Variants in GKN2 observed in about 807,000 individuals in gnomAD.
GKN2 encodes the protein gastrokine-2.
GKN2 carries 17 observed loss-of-function variants against 22.7 expected under a neutral mutation model. The ratio of observed to expected loss-of-function variants is 0.75; its 90% CI spans 0.51 to 1.13. The LOEUF (loss-of-function observed/expected upper bound fraction) is 1.13. Among genes scored for constraint, GKN2 ranks in the 50% most tolerant of loss-of-function variants. The pLI, the probability that GKN2 is intolerant of heterozygous loss-of-function variation, is 0.00. For missense variants in GKN2, 248 were observed against 221.4 expected (o/e 1.12, Z -0.76); for synonymous variants, 82 against 79.6 (o/e 1.03, Z -0.16).
chr2:68,951,929 AG>A (rs1185046003), intron 1 of GKN2, among the ~76,000 whole-genome samples: 3 of 152,260 alleles, frequency 2.0e-5, no homozygotes, highest in African/African-American at 7.2e-5. Flanking sequence ...CTTCAGGGTT[AG>A]GTCTCAATTT....
In GKN2 at chr2:68,946,474, A is replaced by G; in HGVS notation, c.316-14T>C. 1 of 1,559,636 alleles carries G rather than the reference A, an allele frequency of 6.4e-7. No individual in the cohort carries two copies. The highest frequency in any genetic ancestry group is 8.6e-7 in the Non-Finnish European group (1 of 1,156,950). ...GTTGTCCAGAGCCTAGATCGGTATA[A>G]CAGAAAAGAACAACATAAAATAAAT... On this transcript the variant is annotated splice_polypyrimidine_tract_variant and intron_variant, in intron 4 of 5. Transcript: ENST00000328895.
At chr2:68,949,929 T>C (rs1274610085) in intron 3 of GKN2, among the ~76,000 whole-genome samples, 197 bp downstream of exon 3, 1 of 152,240 alleles carries the variant, frequency 6.6e-6, no homozygotes, top group African/African-American at 2.4e-5. Context: ...TTTCCTGTCA[T>C]ATGTTTTTCT....
At position 68,946,420 on chromosome 2, in the gene GKN2, T is replaced by C. The variant is rs748987138; in HGVS notation, c.356A>G (p.Lys119Arg). Residue 119 changes from lysine (K) to arginine (R), a missense_variant, in exon 5 of 6, where the codon AAG becomes AGG. Coordinates refer to ENST00000328895, the MANE Select transcript of GKN2 (RefSeq NM_182536.3). ...NMFSSKYTWV[K>R]YNPLESLIKD... Reference sequence around the variant, plus strand: ...GATCAGAGACTCCAGAGGGTTGTACTTGACCCAGGTGTATTTGCTGGAGAA... The same window carrying C: ...GATCAGAGACTCCAGAGGGTTGTACCTGACCCAGGTGTATTTGCTGGAGAA... 6.1e-5 allele frequency: 98 copies of C among 1,612,994 alleles called. No individual in the cohort carries two copies. The highest frequency in any genetic ancestry group is 8.1e-5 in the Non-Finnish European group (95 of 1,179,666).
intron 4 of GKN2, 31 bp downstream of exon 4, chr2:68,947,116 C>A (rs776904350): frequency 1.5e-6 from 2 of 1,351,844 alleles, no homozygotes; most frequent in East Asian, 4.6e-5. Flanking sequence ...GGCTTAAGAA[C>A]AGAGAATACT....
rs200379309 is a variant in GKN2, at chr2:68,945,411, A to G, written c.512T>C (p.Leu171Pro). ...ACAGATTGAAATTCCCAAGATGCCC[A>G]GGAGCCCAGCCTTTGCACAGCCTCC... ...GAGGCAKAGL[L>P]GILGISICAD... Residue 171 changes from leucine to proline, a missense_variant, in exon 6 of 6, where the codon CTG becomes CCG. Physicochemically the swap from Leu to Pro is moderately conservative, Grantham distance 98. Transcript: ENST00000328895. 6.2e-7 allele frequency: 1 copy of G among 1,611,926 alleles called. No individual in the cohort carries two copies. The highest frequency in any genetic ancestry group is 1.3e-5 in the African/African-American group (1 of 75,030).
chr2:68,951,204 G>C (rs909514163), intron 1 of GKN2, among the ~76,000 whole-genome samples: 1 of 152,040 alleles, frequency 6.6e-6, no homozygotes, highest in African/African-American at 2.4e-5. Context: ...AAGACTGAGA[G>C]GGTAATACAG....
At position 68,950,254 on chromosome 2, in the gene GKN2, T is replaced by C; in HGVS notation, c.76A>G (p.Ile26Val). 6.2e-7 allele frequency: 1 copy of C among 1,607,064 alleles called. No individual in the cohort carries two copies. Among genetic ancestry groups the C allele is most frequent in the Non-Finnish European group, 8.5e-7 (1 of 1,178,108 alleles). ...IQSHGYEVFN[I>V]ISPSNNGGNV... ...CCACCATTGTTGCTTGGGCTGATGA[T>C]GTTAAAAACCTAGATTGAAAAGAAA... The change falls in exon 3 of 6, where the codon ATC becomes GTC. Residue 26 changes from isoleucine (I) to valine (V), a missense_variant. Ile to Val is a conservative substitution (Grantham distance 29). Transcript: ENST00000328895.
chr2:68,946,326 C>T lies in GKN2; in HGVS notation c.450G>A (p.Lys150=), dbSNP rs942126470. The part of the protein sequence containing the change: ...EKLCKHIPLY[K]GEVVENTHNV... ...CACGTGTGTTTTCAACCACTTCCCC[C>T]TTATACAAAGGGATATGTTTGCAGA... Residue 150 remains lysine (K), a synonymous_variant, in exon 5 of 6, where the codon AAG becomes AAA. Transcript: ENST00000328895. 2.5e-6 allele frequency: 4 copies of T among 1,610,898 alleles called. No homozygotes were observed. Among genetic ancestry groups the T allele is most frequent in the Admixed American group, 3.4e-5 (2 of 59,048 alleles).
chr2:68,948,714 C>A (rs1242698937), intron 3 of GKN2, among the ~76,000 whole-genome samples: 1 of 152,206 alleles, frequency 6.6e-6, no homozygotes, highest in Non-Finnish European at 1.5e-5. Flanking sequence ...AAAATTGTCT[C>A]TACAGAGTTC....
At chr2:68,949,963 C>T (rs1336472542) in intron 3 of GKN2, among the ~76,000 whole-genome samples, 163 bp downstream of exon 3, 1 of 151,912 alleles carries the variant, frequency 6.6e-6, no homozygotes, top group Non-Finnish European at 1.5e-5. Context: ...GTTTTTTTAA[C>T]CAATTGCTTG....
intron 5 of GKN2, 63 bp from the exon 6 acceptor site, chr2:68,945,513 A>C: frequency 1.7e-6 from 2 of 1,183,324 alleles, no homozygotes; most frequent in Non-Finnish European, 2.5e-6. Flanking sequence ...AATTATTAGA[A>C]TAATAATACA....
chr2:68,949,330 A>C (rs1214910743), intron 3 of GKN2, among the ~76,000 whole-genome samples: 1 of 152,186 alleles, frequency 6.6e-6, no homozygotes, highest in Non-Finnish European at 1.5e-5. Flanking sequence ...CCCTATGTAC[A>C]TAATTAAATG....
chr2:68,951,053 G>A (rs1669846633), intron 1 of GKN2, among the ~76,000 whole-genome samples: 1 of 151,972 alleles, frequency 6.6e-6, no homozygotes, highest in African/African-American at 2.4e-5. Flanking sequence ...AGAAACCCGG[G>A]GCAGATGAGC....
chr2:68,951,108 C>T (rs1303103854), intron 1 of GKN2, among the ~76,000 whole-genome samples: 1 of 152,144 alleles, frequency 6.6e-6, no homozygotes, highest in African/African-American at 2.4e-5. Flanking sequence ...GTATGATTCA[C>T]ACTAGCTTTG....
chr2:68,947,620 T>G (rs1029145207), intron 3 of GKN2, among the ~76,000 whole-genome samples: 2 of 152,150 alleles, frequency 1.3e-5, no homozygotes, highest in Non-Finnish European at 2.9e-5. Flanking sequence ...AGACAGACTC[T>G]CACTCTGTTG....
chr2:68,947,139 A>C lies in GKN2; in HGVS notation c.315+8T>G, dbSNP rs761837720. 1.3e-5 allele frequency: 21 copies of C among 1,556,134 alleles called. No individual in the cohort carries two copies. The East Asian group carries it at 4.3e-4, about 32-fold the overall frequency. On this transcript the variant is annotated splice_region_variant and intron_variant, in intron 4 of 5. Transcript: ENST00000328895. ...AACAGAGAATACTCAAGAGTGCCCC[A>C]GAATTACCTGTTTCTCATAGATGTA... is the stretch of plus-strand genomic sequence containing the variant.
At chr2:68,952,760 A>G (rs965877262) in intron 1 of GKN2, 90 bp downstream of exon 1, 3 of 1,364,984 alleles carry the variant, frequency 2.2e-6, no homozygotes, top group Non-Finnish European at 3.1e-6. Flanking sequence ...GTATCTGTCT[A>G]AGACTCCCAA....
At chr2:68,949,438 G>T (rs1205161727) in intron 3 of GKN2, among the ~76,000 whole-genome samples, 1 of 151,072 alleles carries the variant, frequency 6.6e-6, no homozygotes, top group Non-Finnish European at 1.5e-5. Context: ...TTATTTTTTT[G>T]AGACAGGATC....
Position 68,947,262 on chromosome 2 carries a change from G to A in GKN2, c.205-5C>T. 1 of 1,578,842 alleles carries A rather than the reference G, an allele frequency of 6.3e-7. No individual in the cohort carries two copies. The highest frequency in any genetic ancestry group is 8.7e-7 in the Non-Finnish European group (1 of 1,147,850). On this transcript the variant is annotated splice_polypyrimidine_tract_variant and splice_region_variant and intron_variant, in intron 3 of 5. Transcript: ENST00000328895. ...CACCCTGGATGCAATGTAGCCCTGA[G>A]GCAGCAAGAGTACAGTTACTGTTCC...
Sources: allele counts gnomAD v4.1 joint callset (sites outside exome capture counted in the v4.1 genomes callset), GRCh38; gene constraint gnomAD v4.1.1; transcripts MANE v1.5; gene names NCBI Gene and HGNC (gene_info 2026-07-23, HGNC 2026-07-21).